LMBR1: variants seen among roughly 807,000 people sequenced by gnomAD.
The protein encoded by LMBR1 is limb development membrane protein 1.
LMBR1 carries 52 observed loss-of-function variants against 73.9 expected under a neutral mutation model. The observed-to-expected ratio is 0.70, with a 90% CI of 0.56 to 0.89. LMBR1 has a LOEUF of 0.89. LMBR1 is among the 40% of genes least tolerant of loss of function. LMBR1 has a pLI of 0.00. For missense variants in LMBR1, 539 were observed against 579.8 expected, an observed-to-expected ratio of 0.93 and a Z score of 0.72; for synonymous variants, 215 against 209.4, an observed-to-expected ratio of 1.03 and a Z score of -0.23.
chr7:156,856,444 G>A (rs114442140), intron 1 of LMBR1, among the ~76,000 whole-genome samples: 2,521 of 152,162 alleles, frequency 0.017, 69 homozygotes, highest in African/African-American at 0.057. Flanking sequence ...TGTCATGAAC[G>A]GTGGCTGGGC....
intron 8 of LMBR1, among the ~76,000 whole-genome samples, 158 bp downstream of exon 8, chr7:156,761,976 C>CAAAAAAAAAAAAAAAAA (rs552712592): frequency 2.1e-4 from 22 of 104,106 alleles, no homozygotes; most frequent in African/African-American, 7.6e-4. Context: ...GACTCTGTCT[C>CAAAAAAAAAAAAAAAAA]AAAAAAAAAA....
At chr7:156,790,092 AT>A (rs997831912) in intron 5 of LMBR1, among the ~76,000 whole-genome samples, 12 of 152,046 alleles carry the variant, frequency 7.9e-5, no homozygotes, top group South Asian at 2.1e-4. Context: ...ACAAATACCT[AT>A]TTTTTTACAA....
At chr7:156,764,106 A>C (rs1432700275) in intron 5 of LMBR1, among the ~76,000 whole-genome samples, 1 of 152,218 alleles carries the variant, frequency 6.6e-6, no homozygotes, top group African/African-American at 2.4e-5. Flanking sequence ...TCTATCCGTG[A>C]TTCTAATCAA....
intron 1 of LMBR1, among the ~76,000 whole-genome samples, chr7:156,841,504 T>C (rs1316775954): frequency 6.6e-6 from 1 of 152,106 alleles, no homozygotes; most frequent in African/African-American, 2.4e-5. Flanking sequence ...AGAAATCAGC[T>C]TGGCAGAAGG....
At chr7:156,759,261 A>G (rs550246112) in intron 8 of LMBR1, among the ~76,000 whole-genome samples, 1 of 152,354 alleles carries the variant, frequency 6.6e-6, no homozygotes, top group South Asian at 2.1e-4. Context: ...TACCAAAAGA[A>G]AGGCATTTCA....
intron 10 of LMBR1, among the ~76,000 whole-genome samples, chr7:156,731,982 T>C (rs756980895): frequency 4.6e-5 from 7 of 151,452 alleles, no homozygotes; most frequent in Non-Finnish European, 7.4e-5. Context: ...AACAACATTA[T>C]TTGTAACAGC....
chr7:156,892,826 A>G (rs1586528016), intron 1 of LMBR1, 102 bp downstream of exon 1: 1 of 616,364 alleles, frequency 1.6e-6, no homozygotes, highest in Non-Finnish European at 2.1e-6. Flanking sequence ...GCGCGAGGCG[A>G]GGCCCGGAGG....
rs991855935 is a variant in LMBR1 at position 156,669,650 on chromosome 7, C to T, written n.867-363G>A. 9.2e-5 allele frequency among the ~76,000 whole-genome samples: 14 copies of T among 152,208 alleles called. No homozygotes were observed. Among genetic ancestry groups the T allele is most frequent in the Non-Finnish European group, 1.5e-4 (10 of 68,026 alleles). On this transcript the variant is annotated intron_variant and non_coding_transcript_variant, in intron 4 of 4. Transcript: ENST00000430825. The surrounding 1 kb of genome is among the most constrained non-coding windows in gnomAD (Gnocchi z 4.2). Reference sequence around the variant, plus strand: ...CCCACAGCCACGTGAACACTGGAAACTGCCCTCAGAGCCCCGGGGATGCGA... The same window carrying T: ...CCCACAGCCACGTGAACACTGGAAATTGCCCTCAGAGCCCCGGGGATGCGA...
rs560208746 is a variant in LMBR1 at position 156,682,012 on chromosome 7, C to G, written c.*2066G>C. 23 of 152,360 alleles carry G rather than the reference C, an allele frequency of 1.5e-4. No individual in the cohort carries two copies. The highest frequency in any genetic ancestry group is 5.3e-4 in the African/African-American group (22 of 41,574). 9.4% of individuals were successfully genotyped at this position (152,360 alleles called of 1,614,324 possible). On this transcript the variant is annotated 3_prime_UTR_variant, in exon 17 of 17. Transcript: ENST00000353442. ...ACCGTGATTACGCAGCAGCCCAAGG[C>G]TGTAACAATCTATTTGTTCTCAAGG...
intron 1 of LMBR1, among the ~76,000 whole-genome samples, chr7:156,877,047 C>T (rs1376064389): frequency 2.0e-5 from 3 of 151,662 alleles, no homozygotes; most frequent in South Asian, 2.1e-4. Context: ...GCTAGTTCTT[C>T]GAAAAGATAA....
At chr7:156,813,930 C>G (rs1376400078) in intron 4 of LMBR1, among the ~76,000 whole-genome samples, 1 of 151,998 alleles carries the variant, frequency 6.6e-6, no homozygotes, top group African/African-American at 2.4e-5. Context: ...TAACCTCTTT[C>G]CTCTAACGAA....
At chr7:156,748,364 T>C (rs1030678945) in intron 9 of LMBR1, among the ~76,000 whole-genome samples, 23 of 152,232 alleles carry the variant, frequency 1.5e-4, no homozygotes, top group African/African-American at 5.5e-4. Flanking sequence ...CTAGATAAGA[T>C]GTTAAGATAA....
intron 10 of LMBR1, among the ~76,000 whole-genome samples, chr7:156,731,550 A>C (rs1816833313): frequency 6.6e-6 from 1 of 152,210 alleles, no homozygotes; most frequent in Non-Finnish European, 1.5e-5. Context: ...TTAACAAGAA[A>C]CCAGAAGACA....
Position 156,764,268 on chromosome 7 carries a change from G to T in LMBR1, c.424-473C>A, listed in dbSNP as rs182107923. The stretch of plus-strand genomic sequence containing the variant: ...AGCCTCCGGAGCCCTCTACTGTGCC[G>T]CTGAAGAACTGTCCATTGTAATCCA... On this transcript the variant is annotated intron_variant, in intron 5 of 16. Transcript: ENST00000353442. Among the ~76,000 whole-genome samples, 36 of 152,258 alleles carry T rather than the reference G, an allele frequency of 2.4e-4. No individual in the cohort carries two copies. Among genetic ancestry groups the T allele is most frequent in the Admixed American group, 1.2e-3 (18 of 15,284 alleles).
intron 1 of LMBR1, among the ~76,000 whole-genome samples, chr7:156,855,480 G>C (rs1796814467): frequency 6.6e-6 from 1 of 151,962 alleles, no homozygotes; most frequent in Admixed American, 6.6e-5. Context: ...ATTCTGAAAA[G>C]AAACAGAATA....
downstream of LMBR1, among the ~76,000 whole-genome samples, chr7:156,673,744 A>C (rs1803124993): frequency 6.6e-6 from 1 of 152,132 alleles, no homozygotes; most frequent in Non-Finnish European, 1.5e-5. Context: ...CATCCCAGGG[A>C]GAAAGGCAGC....
At chr7:156,709,036 C>A (rs115866278) in intron 15 of LMBR1, among the ~76,000 whole-genome samples, 1,606 of 152,286 alleles carry the variant, frequency 0.011, 30 homozygotes, top group African/African-American at 0.037. Flanking sequence ...AATCAGAACC[C>A]AGACCCACCT....
intron 1 of LMBR1, among the ~76,000 whole-genome samples, chr7:156,887,921 TCA>T (rs1379490013): frequency 6.6e-6 from 1 of 152,158 alleles, no homozygotes; most frequent in Non-Finnish European, 1.5e-5. Context: ...ATGCTGAACT[TCA>T]CTTATAATTA....
chr7:156,694,999 T>C (rs1302106746), intron 15 of LMBR1, among the ~76,000 whole-genome samples: 1 of 152,230 alleles, frequency 6.6e-6, no homozygotes, highest in African/African-American at 2.4e-5. Context: ...ACATGTTTTA[T>C]AGATTCAATA....
Sources: allele counts gnomAD v4.1 joint callset (sites outside exome capture counted in the v4.1 genomes callset), GRCh38; gene constraint gnomAD v4.1.1; non-coding constraint Gnocchi (gnomAD v3.1); transcripts MANE v1.5; gene names NCBI Gene and HGNC (gene_info 2026-07-23, HGNC 2026-07-21).